The following PTPN14 variants were observed in gnomAD, a reference collection of about 807,000 sequenced individuals.
The protein encoded by PTPN14 is tyrosine-protein phosphatase non-receptor type 14.
A neutral mutation model predicts 126.8 loss-of-function variants in PTPN14; 53 were observed. The ratio of observed to expected loss-of-function variants is 0.42; its 90% CI spans 0.34 to 0.53. The LOEUF (loss-of-function observed/expected upper bound fraction) is 0.53, where lower values mean the gene tolerates loss of function less well. Among genes scored for constraint, PTPN14 ranks in the 20% least tolerant of loss-of-function variants. PTPN14 has a pLI of 0.08. For missense variants in PTPN14, 1,257 were observed against 1,552.9 expected, an observed-to-expected ratio of 0.81 and a Z score of 3.20; for synonymous variants, 630 against 599.3, an observed-to-expected ratio of 1.05 and a Z score of -0.75.
At position 214,368,196 on chromosome 1, in the gene PTPN14, T is replaced by TTTTTTTAATTTATTTATTTATTTA. The variant is rs1553258933; in HGVS notation, c.3271+1260_3271+1261insTAAATAAATAAATAAATTAAAAAA. On this transcript the variant is annotated intron_variant, in intron 17 of 18. Transcript: ENST00000366956. ...AAACAATTTTTTTAATGTTATTCGTTTTTATTTATTTATTTATTTATTTAT... is the reference window on the plus strand; with the variant it reads ...AAACAATTTTTTTAATGTTATTCGTTTTTTTTAATTTATTTATTTATTTATTTATTTATTTATTTATTTATTTAT... Among the ~76,000 whole-genome samples, 738 of 146,322 alleles carry TTTTTTTAATTTATTTATTTATTTA rather than the reference T, an allele frequency of 5.0e-3. 8 individuals carry two copies. The highest frequency in any genetic ancestry group is 0.018 in the African/African-American group (696 of 39,346).
intron 1 of PTPN14, among the ~76,000 whole-genome samples, chr1:214,504,065 T>A (rs1055734334): frequency 2.0e-5 from 3 of 152,184 alleles, no homozygotes; most frequent in Non-Finnish European, 4.4e-5. Context: ...CTGCGAATAA[T>A]GTCACCACTT....
chr1:214,352,627 C>T lies in PTPN14; in HGVS notation c.*5295G>A, dbSNP rs17022675. On this transcript the variant is annotated 3_prime_UTR_variant, in exon 19 of 19. Transcript: ENST00000366956. ...AGAACTATTTTGCTTCCTTGCTCAG[C>T]GTTCAAGAGAAGTATCAAATGCAGT... 25,017 of 152,172 alleles carry T rather than the reference C, an allele frequency of 0.16. 2,273 individuals are homozygous for T. Among genetic ancestry groups the T allele is most frequent in the East Asian group, 0.24 (1,255 of 5,152 alleles). 9.4% of individuals were successfully genotyped at this position (152,172 alleles called of 1,614,324 possible). A position where few individuals can be genotyped will look rare whatever the true frequency, so the allele number is the denominator to read the frequency against.
chr1:214,443,810 T>C (rs1660085499), intron 3 of PTPN14, among the ~76,000 whole-genome samples: 1 of 152,248 alleles, frequency 6.6e-6, no homozygotes. Flanking sequence ...AAGCTGGTCC[T>C]GGTCCCAGGA....
rs746615404 is a variant in PTPN14, at chr1:214,383,875, C to G, written c.1980G>C (p.Ser660=). The G allele has an allele frequency of 5.0e-6, 8 of 1,612,814 alleles. No homozygotes were observed. Among genetic ancestry groups the G allele is most frequent in the African/African-American group, 1.3e-5 (1 of 74,940 alleles). Residue 660 remains serine, a synonymous_variant, in exon 13 of 19, where the codon TCG becomes TCC. Coordinates refer to ENST00000366956, the MANE Select transcript of PTPN14 (RefSeq NM_005401.5). The surrounding 1 kb of genome is among the most constrained non-coding windows in gnomAD (Gnocchi z 4.4). ...TGCGGCGAGCCATGGGGAGGTGGAG[C>G]GACTTGAGCGTCATGGCCTCCATGC... ...VRGMEAMTLK[S]LHLPMARRNT... is the part of the protein sequence containing the mutation.
chr1:214,505,492 G>C (rs1654818728), intron 1 of PTPN14, among the ~76,000 whole-genome samples: 1 of 152,194 alleles, frequency 6.6e-6, no homozygotes, highest in Non-Finnish European at 1.5e-5. Context: ...TGGTGGAGCT[G>C]CCAGCTGCGA....
At chr1:214,527,156 CAGGAAAGCCCCCACCTTCTGCAG>C (rs374314447) in intron 1 of PTPN14, among the ~76,000 whole-genome samples, 24 of 151,758 alleles carry the variant, frequency 1.6e-4, no homozygotes, top group African/African-American at 4.8e-4. Context: ...AGAGCCTTGG[CAGGAAAGCCCCCACCTTCTGCAG>C]AGGAAAGCTC....
chr1:214,383,596 G>A lies in PTPN14; in HGVS notation c.2259C>T (p.Pro753=), dbSNP rs548947717. 13 of 1,613,464 alleles carry A rather than the reference G, an allele frequency of 8.1e-6. No homozygotes were observed. The highest frequency in any genetic ancestry group is 3.3e-4 in the Middle Eastern group (2 of 6,060). ...CATTGCTCACACTCTTCCTTGGACC[G>A]GGGTACTCAGGCGGGGGCTTGTTGG... The part of the protein sequence containing the change: ...RIPNKPPPEY[P]GPRKSVSNGA... The change falls in exon 13 of 19, where the codon CCC becomes CCT. Residue 753 remains proline, a synonymous_variant. Coordinates refer to ENST00000366956, the MANE Select transcript of PTPN14 (RefSeq NM_005401.5). The surrounding 1 kb of genome is among the most constrained non-coding windows in gnomAD (Gnocchi z 4.4).
intron 11 of PTPN14, 85 bp from the exon 12 acceptor site, chr1:214,387,007 C>G (rs1658634788): frequency 2.4e-6 from 3 of 1,276,250 alleles, no homozygotes; most frequent in African/African-American, 1.5e-5. Flanking sequence ...ACACGGCAGT[C>G]CCGCCACGTT....
Position 214,464,817 on chromosome 1 carries a change from T to A in PTPN14, c.-14A>T. On this transcript the variant is annotated 5_prime_UTR_variant, in exon 2 of 19. Transcript: ENST00000366956. ...ACCAAAAGGCATGGCTATGTGGTCCTCGGACGCCGCCCGCCTATCCTGGCG... is the reference window on the plus strand; with the variant it reads ...ACCAAAAGGCATGGCTATGTGGTCCACGGACGCCGCCCGCCTATCCTGGCG... The A allele has an allele frequency of 6.2e-7, 1 of 1,612,158 alleles. No individual in the cohort carries two copies. Among genetic ancestry groups the A allele is most frequent in the East Asian group, 2.2e-5 (1 of 44,818 alleles).
intron 14 of PTPN14, 105 bp downstream of exon 14, chr1:214,377,854 A>G (rs1658378303): frequency 1.5e-5 from 20 of 1,342,886 alleles, no homozygotes; most frequent in Non-Finnish European, 1.9e-5. Flanking sequence ...GATTGAAGAA[A>G]GAATGCATCA....
intron 18 of PTPN14, among the ~76,000 whole-genome samples, chr1:214,360,572 T>C (rs963768700): frequency 7.9e-5 from 12 of 152,116 alleles, no homozygotes; most frequent in Admixed American, 7.9e-4. Context: ...TACTCTGCGG[T>C]TGGGCACTGA....
chr1:214,376,560 C>T, intron 14 of PTPN14, 123 bp from the exon 15 acceptor site: 2 of 795,978 alleles, frequency 2.5e-6, no homozygotes, highest in Non-Finnish European at 2.0e-6. Flanking sequence ...ACAATCAATG[C>T]TTGGTTTGTC....
At chr1:214,465,198 G>C (rs530929610) in intron 1 of PTPN14, among the ~76,000 whole-genome samples, 1 of 152,332 alleles carries the variant, frequency 6.6e-6, no homozygotes, top group South Asian at 2.1e-4. Context: ...AAGATTCAAA[G>C]AGATTAAAGC....
intron 8 of PTPN14, 110 bp downstream of exon 8, chr1:214,397,803 C>A (rs1479144872): frequency 1.4e-5 from 12 of 873,684 alleles, no homozygotes; most frequent in Non-Finnish European, 1.9e-5. Flanking sequence ...TGAGAGAAGT[C>A]AAATCTTATC....
At chr1:214,444,154 T>A (rs1009626512) in intron 3 of PTPN14, among the ~76,000 whole-genome samples, 1 of 152,220 alleles carries the variant, frequency 6.6e-6, no homozygotes, top group African/African-American at 2.4e-5. Context: ...CCCTCCAAGG[T>A]TGCACTGTTT....
chr1:214,411,891 T>TA, intron 4 of PTPN14, 140 bp from the exon 5 acceptor site: 1 of 503,050 alleles, frequency 2.0e-6, no homozygotes, highest in Non-Finnish European at 3.4e-6. Flanking sequence ...AGTGCCAAGA[T>TA]ATGTTTGACA....
In PTPN14 at chr1:214,384,140, C is replaced by G. The variant is rs754628465; in HGVS notation, c.1715G>C (p.Arg572Pro). 6.3e-7 allele frequency: 1 copy of G among 1,576,176 alleles called. No homozygotes were observed. The highest frequency in any genetic ancestry group is 8.6e-7 in the Non-Finnish European group (1 of 1,163,746). ...TGGGGTGCTGGTGGCAGGTCGTGGC[C>G]GTGGGTAGGGGGGCGGTGGCCTGAA... Reference protein sequence around the residue: ...YLFRPPPPYPRPRPATSTPDL... With the variant: ...YLFRPPPPYPPPRPATSTPDL... The change falls in exon 13 of 19, where the codon CGG becomes CCG. Residue 572 changes from arginine to proline, a missense_variant. Transcript: ENST00000366956. The surrounding 1 kb of genome is among the most constrained non-coding windows in gnomAD (Gnocchi z 5.3).
Position 214,357,867 on chromosome 1 carries a change from C to T in PTPN14, c.*55G>A. ...GGGAGCAGATGTTGTCTGGAGGTGA[C>T]TCTCCTCCAGCGCGATGGAGCTGGG... On this transcript the variant is annotated 3_prime_UTR_variant, in exon 19 of 19. Coordinates refer to ENST00000366956, the MANE Select transcript of PTPN14 (RefSeq NM_005401.5). 9.7e-6 allele frequency: 15 copies of T among 1,543,894 alleles called. No individual in the cohort carries two copies. Among genetic ancestry groups the T allele is most frequent in the Non-Finnish European group, 1.3e-5 (15 of 1,121,966 alleles).
chr1:214,405,118 C>G (rs1023415179), intron 5 of PTPN14, among the ~76,000 whole-genome samples: 4 of 152,194 alleles, frequency 2.6e-5, no homozygotes, highest in African/African-American at 9.7e-5. Flanking sequence ...ATGCCCATCC[C>G]CTCTGGGAGA....
Sources: gnomAD v4.1 joint callset for allele counts (sites outside exome capture counted in the v4.1 genomes callset) on GRCh38, gnomAD v4.1.1 for gene constraint, Gnocchi (gnomAD v3.1) non-coding constraint, MANE v1.5 for transcripts, NCBI Gene and HGNC (gene_info 2026-07-23, HGNC 2026-07-21) for gene names.